Variants in COL5A2 observed in about 807,000 individuals in gnomAD.
COL5A2 encodes the protein collagen type V alpha 2 chain.
In COL5A2, 23 loss-of-function variants were observed where a neutral mutation model predicts 208.2. That is an observed-to-expected ratio of 0.11 (90% CI 0.08 to 0.16). The LOEUF (loss-of-function observed/expected upper bound fraction) is 0.16. Among genes scored for constraint, COL5A2 ranks in the 10% least tolerant of loss-of-function variants. COL5A2 has a pLI of 1.00. For synonymous variants in COL5A2, 625 were observed against 628.5 expected (o/e 0.99, Z 0.08); for missense variants, 1,590 against 1,956.4 (o/e 0.81, Z 3.53).
At chr2:189,151,055 G>A (rs1169805841) in intron 1 of COL5A2, among the ~76,000 whole-genome samples, 1 of 152,120 alleles carries the variant, frequency 6.6e-6, no homozygotes, top group East Asian at 1.9e-4. Flanking sequence ...TTACCTGGCA[G>A]CCAAAATTGG....
At chr2:189,175,941 T>G (rs1315605902) in intron 1 of COL5A2, among the ~76,000 whole-genome samples, 1 of 152,230 alleles carries the variant, frequency 6.6e-6, no homozygotes, top group Non-Finnish European at 1.5e-5. Flanking sequence ...TTTCATAGCA[T>G]GTATTTCAAC....
the COL5A2 span, among the ~76,000 whole-genome samples, chr2:189,434,329 G>C: frequency 1.3e-5 from 2 of 152,154 alleles, no homozygotes; most frequent in African/African-American, 4.8e-5. Context: ...GTTCTGGCCA[G>C]GGTAATCAGG....
At position 189,036,601 on chromosome 2, in the gene COL5A2, A is replaced by C; in HGVS notation, c.4113+15T>G. The C allele has an allele frequency of 6.3e-7, 1 of 1,591,158 alleles. No homozygotes were observed. Among genetic ancestry groups the C allele is most frequent in the Non-Finnish European group, 8.6e-7 (1 of 1,160,358 alleles). On this transcript the variant is annotated intron_variant, in intron 52 of 53. Coordinates refer to ENST00000374866, the MANE Select transcript of COL5A2 (RefSeq NM_000393.5). Reference sequence around the variant, plus strand: ...AAAGTAAAGAATACAATTTTAAGTAAACATATTAAATTACCTGAGACCCTC... The same window carrying C: ...AAAGTAAAGAATACAATTTTAAGTACACATATTAAATTACCTGAGACCCTC...
upstream of COL5A2, among the ~76,000 whole-genome samples, chr2:189,183,114 C>G (rs1688804633): frequency 1.3e-5 from 2 of 152,186 alleles, no homozygotes; most frequent in Admixed American, 1.3e-4. Context: ...ATCCCCATAT[C>G]AGGATCTTAT....
At chr2:189,226,404 C>T (rs1689419493), upstream of COL5A2, among the ~76,000 whole-genome samples, 2 of 152,102 alleles carry the variant, frequency 1.3e-5, no homozygotes, top group Non-Finnish European at 2.9e-5. Context: ...TTAAGAGGCA[C>T]CTGCATCCCA....
the COL5A2 span, among the ~76,000 whole-genome samples, chr2:189,262,794 C>A: frequency 1.3e-5 from 2 of 151,950 alleles, no homozygotes; most frequent in Non-Finnish European, 2.9e-5. Flanking sequence ...CATGATGACA[C>A]TAGATGATGG....
intron 1 of COL5A2, among the ~76,000 whole-genome samples, chr2:189,195,407 C>A (rs192348572): frequency 1.4e-4 from 21 of 152,260 alleles, no homozygotes; most frequent in Non-Finnish European, 2.8e-4. Context: ...TTCATAGATT[C>A]ACTGCTATTC....
chr2:189,259,441 T>C, the COL5A2 span, among the ~76,000 whole-genome samples: 1 of 152,232 alleles, frequency 6.6e-6, no homozygotes, highest in Non-Finnish European at 1.5e-5. Flanking sequence ...CAATTTTAAT[T>C]GACTTGTCCC....
Position 189,035,131 on chromosome 2 carries a change from G to C in COL5A2, c.4138C>G (p.Pro1380Ala), listed in dbSNP as rs145755198. 1 of 1,613,848 alleles carries C rather than the reference G, an allele frequency of 6.2e-7. No homozygotes were observed. Among genetic ancestry groups the C allele is most frequent in the South Asian group, 1.1e-5 (1 of 91,072 alleles). Residue 1380 changes from proline to alanine, a missense_variant, in exon 53 of 54, where the codon CCT (proline) becomes GCT (alanine). By Grantham distance (27) the Pro-to-Ala change is conservative. Transcript: ENST00000374866. ...SQFAYGDHQS[P>A]NTAITQMTFL... ...GTCATCTGAGTAATGGCTGTATTAG[G>C]TGATTGGTGGTCTCCATAAGCGAAC...
chr2:189,286,593 GAGATAC>G, the COL5A2 span, among the ~76,000 whole-genome samples: 1 of 152,108 alleles, frequency 6.6e-6, no homozygotes, highest in African/African-American at 2.4e-5. Flanking sequence ...TAAGAGTAGT[GAGATAC>G]AGGCATAAGT....
the COL5A2 span, among the ~76,000 whole-genome samples, chr2:189,241,133 C>T: frequency 6.6e-6 from 1 of 152,196 alleles, no homozygotes; most frequent in Non-Finnish European, 1.5e-5. Context: ...CAGATATAAT[C>T]AACAGACCCC....
intron 41 of COL5A2, 60 bp from the exon 42 acceptor site, chr2:189,051,541 T>A: frequency 6.7e-7 from 1 of 1,501,352 alleles, no homozygotes; most frequent in Non-Finnish European, 9.0e-7. Flanking sequence ...TAAGAGTGAT[T>A]GACATAACGC....
At chr2:189,177,361 T>C (rs960975289) in intron 1 of COL5A2, among the ~76,000 whole-genome samples, 2 of 152,208 alleles carry the variant, frequency 1.3e-5, no homozygotes, top group African/African-American at 4.8e-5. Flanking sequence ...GTGATAGGCC[T>C]GAACAGGAAA....
chr2:189,237,262 T>C, the COL5A2 span, among the ~76,000 whole-genome samples: 1 of 151,758 alleles, frequency 6.6e-6, no homozygotes, highest in African/African-American at 2.4e-5. Flanking sequence ...GCTTTATTTG[T>C]TAGTATTTTT....
At chr2:189,049,908 C>A (rs929465830) in intron 43 of COL5A2, among the ~76,000 whole-genome samples, 1 of 152,166 alleles carries the variant, frequency 6.6e-6, no homozygotes, top group Non-Finnish European at 1.5e-5. Context: ...TTGTTGGTTT[C>A]ATATTTCAAC....
At chr2:189,044,959 G>A (rs538895840) in intron 47 of COL5A2, among the ~76,000 whole-genome samples, 2 of 151,948 alleles carry the variant, frequency 1.3e-5, no homozygotes, top group South Asian at 4.2e-4. Context: ...CATGATTATT[G>A]ATATAATTCA....
the COL5A2 span, among the ~76,000 whole-genome samples, chr2:189,257,969 C>T: frequency 6.6e-6 from 1 of 152,028 alleles, no homozygotes; most frequent in Non-Finnish European, 1.5e-5. Context: ...AAAAAATTAG[C>T]CAGGCGTGGT....
chr2:189,179,824 GC>G (rs1267175196), upstream of COL5A2: 19 of 682,150 alleles, frequency 2.8e-5, no homozygotes, highest in Non-Finnish European at 2.7e-5. Flanking sequence ...TTCTTTTCCT[GC>G]CCCTTTTCAG....
chr2:189,068,345 C>G (rs775206363), intron 19 of COL5A2, 75 bp from the exon 20 acceptor site: 46 of 1,239,362 alleles, frequency 3.7e-5, no homozygotes, highest in Non-Finnish European at 5.1e-5. Flanking sequence ...ATACAGATGT[C>G]CAGCCATCTT....
Sources: allele counts gnomAD v4.1 joint callset (sites outside exome capture counted in the v4.1 genomes callset), GRCh38; gene constraint gnomAD v4.1.1; transcripts MANE v1.5; gene names NCBI Gene and HGNC (gene_info 2026-07-23, HGNC 2026-07-21).